The following PIK3C3 variants were observed in gnomAD, a reference collection of about 807,000 sequenced individuals.
PIK3C3 encodes the protein PI3-kinase type 3.
A neutral mutation model predicts 126.1 loss-of-function variants in PIK3C3; 95 were observed. That is an observed-to-expected ratio of 0.75 (90% confidence interval 0.64 to 0.89). The LOEUF is 0.89. Ranked by LOEUF, PIK3C3 falls within the 40% of genes least tolerant of loss-of-function variation. The probability of loss-of-function intolerance (pLI) is 0.00; values close to 1 mark genes in which losing one functional copy is unlikely to be tolerated. For synonymous variants in PIK3C3, 374 were observed against 360.0 expected (o/e 1.04, Z -0.44); for missense variants, 829 against 1,063.2 (o/e 0.78, Z 3.06).
intron 10 of PIK3C3, among the ~76,000 whole-genome samples, chr18:42,011,338 A>C (rs1014573125): frequency 6.6e-6 from 1 of 152,248 alleles, no homozygotes; most frequent in African/African-American, 2.4e-5. Context: ...AGTCACCTGC[A>C]TCAATAACTT....
chr18:42,016,408 A>G (rs1420338048), intron 12 of PIK3C3, among the ~76,000 whole-genome samples: 2 of 152,296 alleles, frequency 1.3e-5, no homozygotes, highest in African/African-American at 4.8e-5. Flanking sequence ...GAGCTAAGAT[A>G]TTGATTCATT....
chr18:42,029,012 A>G (rs1983697923), intron 14 of PIK3C3, among the ~76,000 whole-genome samples: 1 of 152,220 alleles, frequency 6.6e-6, no homozygotes. Flanking sequence ...TATTGAATCA[A>G]ATAATGAGTG....
intron 10 of PIK3C3, among the ~76,000 whole-genome samples, chr18:42,008,229 C>T (rs192958526): frequency 6.6e-6 from 1 of 152,016 alleles, no homozygotes; most frequent in African/African-American, 2.4e-5. Flanking sequence ...ATTTTTAAAT[C>T]ATATTTCCTA....
intron 10 of PIK3C3, among the ~76,000 whole-genome samples, chr18:42,011,848 A>T (rs1982841009): frequency 6.6e-6 from 1 of 152,138 alleles, no homozygotes; most frequent in African/African-American, 2.4e-5. Flanking sequence ...AATTGGCCTC[A>T]TTGCAGTATT....
intron 13 of PIK3C3, chr18:42,025,640 G>A (rs1310358730): frequency 6.6e-6 from 1 of 152,182 alleles, no homozygotes; most frequent in East Asian, 1.9e-4. Context: ...AATTTAATGT[G>A]ATAAGTTTGG....
chr18:42,085,398 T>G lies in PIK3C3; in HGVS notation c.*4261T>G, dbSNP rs1187470683. 2 of 152,118 alleles carry G rather than the reference T, an allele frequency of 1.3e-5. No homozygotes were observed. The highest frequency in any genetic ancestry group is 1.5e-5 in the Non-Finnish European group (1 of 68,020). 9.4% of individuals were successfully genotyped at this position (152,118 alleles called of 1,614,324 possible). On this transcript the variant is annotated 3_prime_UTR_variant, in exon 25 of 25. Transcript: ENST00000262039. Reference sequence around the variant, plus strand: ...ATGAATAAATAGTCTAGAAAAAAATTTAGGAAAAATTGCCATGAAATCATG... The same window carrying G: ...ATGAATAAATAGTCTAGAAAAAAATGTAGGAAAAATTGCCATGAAATCATG...
intron 2 of PIK3C3, among the ~76,000 whole-genome samples, chr18:41,959,587 C>G (rs1979973756): frequency 6.6e-6 from 1 of 152,040 alleles, no homozygotes; most frequent in Non-Finnish European, 1.5e-5. Context: ...CACTTGAGGT[C>G]AGGAGTTCAA....
intron 20 of PIK3C3, 55 bp downstream of exon 20, chr18:42,043,872 C>G: frequency 9.5e-7 from 1 of 1,053,050 alleles, no homozygotes. Flanking sequence ...AGCAGGCCAT[C>G]CTGATATTGC....
chr18:41,991,747 G>A (rs761480081), intron 6 of PIK3C3, among the ~76,000 whole-genome samples: 16 of 151,836 alleles, frequency 1.1e-4, no homozygotes, highest in Admixed American at 2.0e-4. Context: ...TCCCTTTCAC[G>A]TTAGTGAAAG....
chr18:42,073,618 CAG>C (rs1985864805), intron 24 of PIK3C3, among the ~76,000 whole-genome samples: 1 of 152,106 alleles, frequency 6.6e-6, no homozygotes, highest in Admixed American at 6.6e-5. Context: ...ACCAGAGAAA[CAG>C]GGTTTTCTTG....
intron 4 of PIK3C3, among the ~76,000 whole-genome samples, chr18:41,986,675 A>G (rs1981494242): frequency 6.6e-6 from 1 of 151,976 alleles, no homozygotes; most frequent in Non-Finnish European, 1.5e-5. Context: ...CCATGTTGCT[A>G]GCATATTTGT....
At chr18:41,975,771 C>G (rs930634624) in intron 4 of PIK3C3, among the ~76,000 whole-genome samples, 7 of 150,244 alleles carry the variant, frequency 4.7e-5, no homozygotes, top group Non-Finnish European at 8.8e-5. Context: ...ACGATGTCAG[C>G]TCACTGCAAG....
intron 24 of PIK3C3, 151 bp downstream of exon 24, chr18:42,067,664 T>G: frequency 1.3e-6 from 1 of 778,150 alleles, no homozygotes; most frequent in Non-Finnish European, 2.0e-6. Flanking sequence ...TGAAGTGAAT[T>G]GTGTTTCACA....
intron 12 of PIK3C3, among the ~76,000 whole-genome samples, chr18:42,020,288 C>T (rs1166043154): frequency 6.6e-6 from 1 of 152,060 alleles, no homozygotes; most frequent in Non-Finnish European, 1.5e-5. Flanking sequence ...AAACTTAGAG[C>T]TTTCCAGTGT....
At chr18:41,988,564 T>C (rs1455528165) in intron 5 of PIK3C3, among the ~76,000 whole-genome samples, 1 of 152,158 alleles carries the variant, frequency 6.6e-6, no homozygotes, top group Admixed American at 6.6e-5. Flanking sequence ...GACATCAATT[T>C]GTGATTTGTC....
intron 20 of PIK3C3, among the ~76,000 whole-genome samples, chr18:42,047,707 A>G (rs576021882): frequency 1.3e-5 from 2 of 152,308 alleles, no homozygotes; most frequent in South Asian, 2.1e-4. Flanking sequence ...TTTGGTGTGC[A>G]TAGTAATTTT....
intron 20 of PIK3C3, 93 bp downstream of exon 20, chr18:42,043,910 A>G: frequency 1.3e-6 from 1 of 779,276 alleles, no homozygotes; most frequent in South Asian, 1.6e-5. Flanking sequence ...AGAACATGTT[A>G]ATATTTAAAT....
chr18:41,959,185 T>G (rs1004702395), intron 2 of PIK3C3, among the ~76,000 whole-genome samples: 1 of 152,358 alleles, frequency 6.6e-6, no homozygotes, highest in Admixed American at 6.5e-5. Context: ...AATTTAGGTC[T>G]AGAAGGCCAA....
chr18:42,020,023 A>C (rs1983250954), intron 12 of PIK3C3, among the ~76,000 whole-genome samples: 1 of 151,974 alleles, frequency 6.6e-6, no homozygotes, highest in African/African-American at 2.4e-5. Flanking sequence ...CTCCTAGTCT[A>C]CCGTAATAGC....
Sources: allele counts gnomAD v4.1 joint callset (sites outside exome capture counted in the v4.1 genomes callset), GRCh38; gene constraint gnomAD v4.1.1; transcripts MANE v1.5; gene names NCBI Gene and HGNC (gene_info 2026-07-23, HGNC 2026-07-21).